Variants in SLC51B observed in about 807,000 individuals in gnomAD.
The protein encoded by SLC51B is SLC51 subunit beta, also known as organic solute transporter subunit beta.
Under a neutral mutation model 8.0 loss-of-function variants are expected in SLC51B, and 6 were observed. That is an observed-to-expected ratio of 0.75 (90% CI 0.41 to 1.48). The LOEUF (loss-of-function observed/expected upper bound fraction) is 1.48. Ranked by LOEUF, SLC51B falls within the 40% of genes most tolerant of loss-of-function variation. SLC51B has a pLI of 0.01. For missense variants in SLC51B, 150 were observed against 149.7 expected (o/e 1.00, Z -0.01); for synonymous variants, 61 against 54.8 (o/e 1.11, Z -0.50).
intron 1 of SLC51B, among the ~76,000 whole-genome samples, chr15:65,046,819 G>A (rs1174372189): frequency 8.1e-5 from 12 of 148,192 alleles, no homozygotes; most frequent in Admixed American, 8.0e-4. Flanking sequence ...AGGCTGAGGT[G>A]AGAGGATCGC....
At position 65,053,147 on chromosome 15, in the gene SLC51B, C is replaced by A. The variant is rs1248502752; in HGVS notation, c.370C>A (p.Pro124Thr). 1 of 1,614,016 alleles carries A rather than the reference C, an allele frequency of 6.2e-7. No homozygotes were observed. Among genetic ancestry groups the A allele is most frequent in the Admixed American group, 1.7e-5 (1 of 60,018 alleles). ...DVLSVFLPDVPETES is the reference protein window; with the variant it reads ...DVLSVFLPDVTETES ...GCTGTCAGTTTTCCTTCCGGATGTA[C>A]CAGAAACTGAGAGCTAGTGAGGGTT... Residue 124 changes from proline to threonine, a missense_variant, in exon 4 of 4, where the codon CCA becomes ACA. Pro to Thr is a conservative substitution (Grantham distance 38, BLOSUM62 -1). Transcript: ENST00000334287.
intron 1 of SLC51B, chr15:65,049,075 T>A (rs944211525): frequency 1.3e-5 from 2 of 151,910 alleles, no homozygotes; most frequent in African/African-American, 4.8e-5. Context: ...ATATATGTTG[T>A]CAAAATTAAT....
At chr15:65,048,277 T>C (rs1446585844) in intron 1 of SLC51B, among the ~76,000 whole-genome samples, 3 of 152,270 alleles carry the variant, frequency 2.0e-5, no homozygotes, top group Admixed American at 2.0e-4. Context: ...CATTCACATA[T>C]GAAAAGCTTA....
At position 65,053,308 on chromosome 15, in the gene SLC51B, A is replaced by G. The variant is rs1054987352; in HGVS notation, c.*144A>G. ...TTTCTTTTTTTTTTTCTTAGCAGATACAATGAATGAACTGCAAGCAAACTA... is the reference window on the plus strand; with the variant it reads ...TTTCTTTTTTTTTTTCTTAGCAGATGCAATGAATGAACTGCAAGCAAACTA... On this transcript the variant is annotated 3_prime_UTR_variant, in exon 4 of 4. Transcript: ENST00000334287. 4 of 1,427,334 alleles carry G rather than the reference A, an allele frequency of 2.8e-6. No individual in the cohort carries two copies. The highest frequency in any genetic ancestry group is 5.9e-5 in the Admixed American group (2 of 33,846). The allele number at this position is 1,427,334 out of a possible 1,614,324, so 88.4% of individuals were successfully genotyped here. A position where few individuals can be genotyped will look rare whatever the true frequency, so the allele number is the denominator to read the frequency against.
chr15:65,048,549 C>T (rs1345202960), intron 1 of SLC51B, among the ~76,000 whole-genome samples: 1 of 152,176 alleles, frequency 6.6e-6, no homozygotes, highest in Non-Finnish European at 1.5e-5. Flanking sequence ...ATGCTTCGAT[C>T]CTCCCTGTAC....
chr15:65,052,453 T>G (rs1208744417), intron 3 of SLC51B, among the ~76,000 whole-genome samples: 1 of 137,554 alleles, frequency 7.3e-6, no homozygotes, highest in Non-Finnish European at 1.5e-5. Context: ...CAGGATGGAG[T>G]GCAGTGGCAC....
chr15:65,051,712 C>G, intron 3 of SLC51B, 107 bp downstream of exon 3: 1 of 977,144 alleles, frequency 1.0e-6, no homozygotes, highest in Non-Finnish European at 1.6e-6. Flanking sequence ...TGCTGTCCAC[C>G]CTTTGGGACA....
At chr15:65,046,718 G>A (rs1323659246) in intron 1 of SLC51B, among the ~76,000 whole-genome samples, 2 of 152,056 alleles carry the variant, frequency 1.3e-5, no homozygotes, top group Non-Finnish European at 2.9e-5. Flanking sequence ...TTCAAGGCTG[G>A]CCTGGGCAAG....
chr15:65,047,704 C>G (rs1012418001), intron 1 of SLC51B, among the ~76,000 whole-genome samples: 1 of 152,136 alleles, frequency 6.6e-6, no homozygotes, highest in Non-Finnish European at 1.5e-5. Flanking sequence ...AACACAAGAT[C>G]ACATCTGTTG....
At chr15:65,047,877 T>A (rs762604715) in intron 1 of SLC51B, among the ~76,000 whole-genome samples, 23 of 151,960 alleles carry the variant, frequency 1.5e-4, no homozygotes, top group Non-Finnish European at 4.4e-5. Flanking sequence ...TGCATGTGAG[T>A]CCTTGAAAGT....
chr15:65,050,205 TACATTTCCTCCAAG>T (rs1595900223), intron 2 of SLC51B, 104 bp downstream of exon 2: 5 of 889,588 alleles, frequency 5.6e-6, no homozygotes, highest in Non-Finnish European at 8.7e-6. Context: ...GGTCAGGCGG[TACATTTCCTCCAAG>T]ACAGGGAATC....
At chr15:65,047,078 T>C (rs1292415564) in intron 1 of SLC51B, among the ~76,000 whole-genome samples, 1 of 152,012 alleles carries the variant, frequency 6.6e-6, no homozygotes, top group Non-Finnish European at 1.5e-5. Flanking sequence ...ATACAAAGGC[T>C]GGGTGCAGTG....
In SLC51B at chr15:65,052,906, G is replaced by A. The variant is rs568991022; in HGVS notation, c.189-60G>A. Reference sequence around the variant, plus strand: ...CTTAGACTCTTTAAGCCATTTGGGCGACCCAGTCCTGCCCCAACCACTCAG... The same window carrying A: ...CTTAGACTCTTTAAGCCATTTGGGCAACCCAGTCCTGCCCCAACCACTCAG... On this transcript the variant is annotated intron_variant, in intron 3 of 3. Coordinates refer to ENST00000334287, the MANE Select transcript of SLC51B (RefSeq NM_178859.4). 5.5e-5 allele frequency: 85 copies of A among 1,536,668 alleles called. No individual in the cohort carries two copies. The South Asian group carries it at 7.9e-4, about 14-fold the overall frequency.
At position 65,050,047 on chromosome 15, in the gene SLC51B, G is replaced by T. The variant is rs370875524; in HGVS notation, c.43G>T (p.Val15Leu). 5.2e-6 allele frequency: 8 copies of T among 1,551,734 alleles called. No individual in the cohort carries two copies. The highest frequency in any genetic ancestry group is 1.2e-5 in the South Asian group (1 of 84,062). Residue 15 changes from valine (V) to leucine (L), a missense_variant, in exon 2 of 4, where the codon GTG becomes TTG. Coordinates refer to ENST00000334287, the MANE Select transcript of SLC51B (RefSeq NM_178859.4). ...EGAPGDPAGT[V>L]VPQELLEEML... ...GGCTCCCGGAGACCCAGCCGGTACT[G>T]TGGTACCCCAGGAGCTGCTGGAAGA...
At chr15:65,051,188 A>G (rs1250580129) in intron 2 of SLC51B, among the ~76,000 whole-genome samples, 1 of 152,092 alleles carries the variant, frequency 6.6e-6, no homozygotes, top group Admixed American at 6.5e-5. Flanking sequence ...CAGGCTGGCA[A>G]AACTGAAGAT....
chr15:65,051,556 G>A lies in SLC51B; in HGVS notation c.139G>A (p.Val47Met). Reference sequence around the variant, plus strand: ...TTCCATCCTTGCCCTGGCAGCTGTGGTGGTCATTATAAGCATGGTCCTCCT... The same window carrying A: ...TTCCATCCTTGCCCTGGCAGCTGTGATGGTCATTATAAGCATGGTCCTCCT... The part of the protein sequence containing the change: ...NHSILALAAV[V>M]VIISMVLLGR... Residue 47 changes from valine to methionine, a missense_variant, in exon 3 of 4, where the codon GTG (valine) becomes ATG (methionine). Physicochemically the swap from Val to Met is conservative, Grantham distance 21 (BLOSUM62 1). Transcript: ENST00000334287. The A allele has an allele frequency of 1.2e-6, 2 of 1,613,786 alleles. No individual in the cohort carries two copies. Among genetic ancestry groups the A allele is most frequent in the Non-Finnish European group, 1.7e-6 (2 of 1,179,838 alleles).
chr15:65,052,454 G>A (rs1347249115), intron 3 of SLC51B, among the ~76,000 whole-genome samples: 3 of 139,946 alleles, frequency 2.1e-5, no homozygotes, highest in East Asian at 2.2e-4. Context: ...AGGATGGAGT[G>A]CAGTGGCACA....
intron 1 of SLC51B, chr15:65,049,452 G>C (rs1241438676): frequency 6.6e-6 from 1 of 152,154 alleles, no homozygotes; most frequent in African/African-American, 2.4e-5. Context: ...TGTGTCGTAG[G>C]CGTGCCAATC....
At chr15:65,052,390 C>A (rs2086664246) in intron 3 of SLC51B, among the ~76,000 whole-genome samples, 2 of 142,810 alleles carry the variant, frequency 1.4e-5, no homozygotes, top group Admixed American at 7.2e-5. Flanking sequence ...TAGCTATGTG[C>A]ATCCTTGGCT....
Sources: gnomAD v4.1 joint callset for allele counts (sites outside exome capture counted in the v4.1 genomes callset) on GRCh38, gnomAD v4.1.1 for gene constraint, MANE v1.5 for transcripts, NCBI Gene and HGNC (gene_info 2026-07-23, HGNC 2026-07-21) for gene names.